CLASP2: variants seen among roughly 807,000 people sequenced by gnomAD.
The protein encoded by CLASP2 is cytoplasmic linker associated protein 2, also known as CLIP-associating protein 2.
Under a neutral mutation model 194.4 loss-of-function variants are expected in CLASP2, and 47 were observed. That is an observed-to-expected ratio of 0.24 (90% CI 0.19 to 0.31). The LOEUF (loss-of-function observed/expected upper bound fraction) is 0.31, where lower values mean the gene tolerates loss of function less well. Ranked by LOEUF, CLASP2 falls within the 10% of genes least tolerant of loss-of-function variation. CLASP2 has a pLI of 1.00. For synonymous variants in CLASP2, 619 were observed against 633.5 expected, an observed-to-expected ratio of 0.98 and a Z score of 0.34; for missense variants, 1,445 against 1,823.6, an observed-to-expected ratio of 0.79 and a Z score of 3.78.
chr3:33,637,463 G>C (rs1461382465), intron 8 of CLASP2, among the ~76,000 whole-genome samples: 1 of 152,152 alleles, frequency 6.6e-6, no homozygotes, highest in African/African-American at 2.4e-5. Context: ...GAACCTGGGA[G>C]GTGCAGGTTG....
At chr3:33,634,952 A>G (rs1199364547) in intron 8 of CLASP2, among the ~76,000 whole-genome samples, 3 of 152,140 alleles carry the variant, frequency 2.0e-5, no homozygotes, top group African/African-American at 7.2e-5. Context: ...TTTTTAATGT[A>G]ATATTAAAGC....
chr3:33,608,478 G>A (rs955839791), intron 14 of CLASP2, 89 bp downstream of exon 14: 1 of 1,035,900 alleles, frequency 9.7e-7, no homozygotes, highest in Middle Eastern at 2.0e-4. Context: ...GAAGCAAAAT[G>A]AGAAATAATG....
chr3:33,600,853 G>A (rs1179803015), intron 18 of CLASP2, among the ~76,000 whole-genome samples: 2 of 151,788 alleles, frequency 1.3e-5, no homozygotes, highest in African/African-American at 4.8e-5. Context: ...TTGAATTACT[G>A]GGGCAAACAT....
At chr3:33,667,499 A>G (rs1166219180) in intron 6 of CLASP2, among the ~76,000 whole-genome samples, 2 of 150,728 alleles carry the variant, frequency 1.3e-5, no homozygotes, top group Admixed American at 1.3e-4. Context: ...CGTTCCTTGA[A>G]GCATAAGTTT....
At chr3:33,611,756 A>G (rs2075225674) in intron 13 of CLASP2, among the ~76,000 whole-genome samples, 1 of 152,184 alleles carries the variant, frequency 6.6e-6, no homozygotes, top group African/African-American at 2.4e-5. Context: ...CTGAAAACCA[A>G]GGCAACCAGC....
chr3:33,651,382 CAAAA>C (rs11317189), intron 7 of CLASP2, among the ~76,000 whole-genome samples: 121 of 90,244 alleles, frequency 1.3e-3, no homozygotes, highest in African/African-American at 3.7e-3. Flanking sequence ...GATCCTGTCT[CAAAA>C]AAAAAAAAAA....
rs868482291 is a variant in CLASP2, at chr3:33,717,834, C to T, written c.169G>A (p.Gly57Ser). 1.3e-6 allele frequency: 2 copies of T among 1,563,328 alleles called. No individual in the cohort carries two copies. The highest frequency in any genetic ancestry group is 1.9e-5 in the Admixed American group (1 of 52,398). Residue 57 changes from glycine to serine, a missense_variant, in exon 1 of 39, where the codon GGC (glycine) becomes AGC (serine). By Grantham distance (56) the Gly-to-Ser change is moderately conservative. This residue lies in a region of CLASP2 where 332 missense variants were observed against 325.3 expected (regional missense o/e 1.02). Transcript: ENST00000682230. ...CGGTAGTTGCTCGAACCCACCCAGC[C>T]GGTGAGCGCGTCGACTGTCTTGCCT... ...RLGKTVDALTGWVGSSNYRVS... is the reference protein window; with the variant it reads ...RLGKTVDALTSWVGSSNYRVS...
At chr3:33,585,748 G>C (rs537874607) in intron 21 of CLASP2, among the ~76,000 whole-genome samples, 1 of 151,772 alleles carries the variant, frequency 6.6e-6, no homozygotes, top group South Asian at 2.1e-4. Context: ...ATAATTTTAC[G>C]GGACTACTGT....
At position 33,688,285 on chromosome 3, in the gene CLASP2, G is replaced by A. The variant is rs1348690376; in HGVS notation, c.462C>T (p.Thr154=). The change falls in exon 4 of 39, where the codon ACC becomes ACT. Residue 154 remains threonine (T), a synonymous_variant. Transcript: ENST00000682230. Reference sequence around the variant, plus strand: ...GTAATCATAAAACTTACATGTTTAAGGTTTCAATAAGACACAGACACACGC... The same window carrying A: ...GTAATCATAAAACTTACATGTTTAAAGTTTCAATAAGACACAGACACACGC... The part of the protein sequence containing the change: ...REGVCLCLIE[T]LNIFGAQPLV... The A allele has an allele frequency of 1.3e-6, 2 of 1,565,738 alleles. No individual in the cohort carries two copies. Among genetic ancestry groups the A allele is most frequent in the Non-Finnish European group, 1.7e-6 (2 of 1,157,596 alleles).
intron 6 of CLASP2, among the ~76,000 whole-genome samples, chr3:33,671,952 G>C (rs915010177): frequency 2.6e-5 from 4 of 152,156 alleles, no homozygotes; most frequent in Non-Finnish European, 4.4e-5. Context: ...GCTCCAACTG[G>C]GTGGAGCCCA....
intron 34 of CLASP2, among the ~76,000 whole-genome samples, chr3:33,525,183 T>C (rs957338305): frequency 2.0e-5 from 3 of 151,916 alleles, no homozygotes; most frequent in African/African-American, 7.3e-5. Context: ...TCAAAGAAAT[T>C]AGAGAAACTA....
At chr3:33,698,091 C>T (rs1002205838) in intron 1 of CLASP2, among the ~76,000 whole-genome samples, 2 of 152,166 alleles carry the variant, frequency 1.3e-5, no homozygotes, top group African/African-American at 4.8e-5. Flanking sequence ...TAAAGTATCT[C>T]TTGGTGGTAC....
At chr3:33,514,875 G>A (rs1429982439) in intron 36 of CLASP2, among the ~76,000 whole-genome samples, 2 of 151,566 alleles carry the variant, frequency 1.3e-5, no homozygotes, top group Non-Finnish European at 2.9e-5. Context: ...ACACACCATG[G>A]AATACTACTC....
At chr3:33,599,400 GGTGTTGA>G (rs2071397414) in intron 18 of CLASP2, among the ~76,000 whole-genome samples, 1 of 152,144 alleles carries the variant, frequency 6.6e-6, no homozygotes, top group South Asian at 2.1e-4. Context: ...TGGGTTTACA[GGTGTTGA>G]GTCACTGTGC....
chr3:33,706,302 G>T (rs76047051), intron 1 of CLASP2, among the ~76,000 whole-genome samples: 2 of 152,078 alleles, frequency 1.3e-5, no homozygotes, highest in African/African-American at 4.8e-5. Context: ...AAGTTTTAAC[G>T]GTGAGAACAG....
chr3:33,676,079 A>C (rs1344191657), intron 6 of CLASP2, among the ~76,000 whole-genome samples: 1 of 152,116 alleles, frequency 6.6e-6, no homozygotes. Context: ...CTTGGAAAAA[A>C]CTACTTTAAA....
chr3:33,533,845 T>C (rs2056812611), intron 34 of CLASP2, among the ~76,000 whole-genome samples: 1 of 152,094 alleles, frequency 6.6e-6, no homozygotes, highest in Non-Finnish European at 1.5e-5. Context: ...AGCTCCCGAG[T>C]AGCTGGGATG....
intron 12 of CLASP2, among the ~76,000 whole-genome samples, chr3:33,618,575 C>T (rs1372702354): frequency 1.3e-5 from 2 of 151,822 alleles, no homozygotes; most frequent in Non-Finnish European, 2.9e-5. Flanking sequence ...GGAACCCGGG[C>T]GGCAGAGGTT....
intron 9 of CLASP2, among the ~76,000 whole-genome samples, chr3:33,628,154 G>C (rs1328892513): frequency 6.6e-6 from 1 of 152,148 alleles, no homozygotes; most frequent in Non-Finnish European, 1.5e-5. Flanking sequence ...GAGAGTAAGA[G>C]CAAGAGCAAG....
Sources: allele counts gnomAD v4.1 joint callset (sites outside exome capture counted in the v4.1 genomes callset), GRCh38; gene constraint gnomAD v4.1.1; regional missense constraint gnomAD v4.1.1; transcripts MANE v1.5; gene names NCBI Gene and HGNC (gene_info 2026-07-23, HGNC 2026-07-21).